Variants in CLDN14 observed in about 807,000 individuals in gnomAD.
CLDN14 encodes claudin-14.
In CLDN14, 2 loss-of-function variants were observed where a neutral mutation model predicts 2.1. That is an observed-to-expected ratio of 0.96 (90% CI 0.39 to 3.01). The LOEUF (loss-of-function observed/expected upper bound fraction) is 3.01, where lower values mean the gene tolerates loss of function less well. CLDN14 is among the 30% of genes most tolerant of loss of function. CLDN14 has a pLI of 0.09. For synonymous variants in CLDN14, 136 were observed against 154.4 expected, an observed-to-expected ratio of 0.88 and a Z score of 0.88; for missense variants, 298 against 328.0, an observed-to-expected ratio of 0.91 and a Z score of 0.71.
At chr21:36,469,453 T>C (rs769510974) in intron 1 of CLDN14, among the ~76,000 whole-genome samples, 17 of 152,362 alleles carry the variant, frequency 1.1e-4, no homozygotes, top group Non-Finnish European at 2.2e-4. Context: ...CTTACGTGAC[T>C]ACGACTTATT....
chr21:36,486,259 C>T, intron 2 of CLDN14: 1 of 818,218 alleles, frequency 1.2e-6, no homozygotes, highest in Non-Finnish European at 2.2e-6. Flanking sequence ...ATAAGCAATC[C>T]CCTCTTCCTT....
chr21:36,535,147 T>C (rs1467965994), intron 1 of CLDN14, among the ~76,000 whole-genome samples: 1 of 152,180 alleles, frequency 6.6e-6, no homozygotes, highest in Non-Finnish European at 1.5e-5. Flanking sequence ...TCCCAGCCCT[T>C]TGGGAGGCTG....
chr21:36,519,997 T>C (rs1601621401), intron 1 of CLDN14, among the ~76,000 whole-genome samples: 1 of 152,180 alleles, frequency 6.6e-6, no homozygotes. Flanking sequence ...TTTGTAGCAA[T>C]AGTAATGTAT....
chr21:36,506,696 G>A (rs913905100), intron 2 of CLDN14, among the ~76,000 whole-genome samples: 1 of 152,168 alleles, frequency 6.6e-6, no homozygotes, highest in Non-Finnish European at 1.5e-5. Context: ...CCTCTGGGGG[G>A]TGGAGCCAAG....
intron 1 of CLDN14, among the ~76,000 whole-genome samples, chr21:36,515,178 T>C (rs9982353): frequency 0.82 from 124,953 of 152,102 alleles, 52,239 homozygotes; most frequent in Middle Eastern, 0.93. Context: ...TACAGAACTA[T>C]TACATGGCCC....
At chr21:36,510,070 A>G (rs1300905503) in intron 2 of CLDN14, among the ~76,000 whole-genome samples, 2 of 152,176 alleles carry the variant, frequency 1.3e-5, no homozygotes, top group Non-Finnish European at 2.9e-5. Flanking sequence ...CCCACGGCCC[A>G]GTTATGTCCA....
intron 1 of CLDN14, among the ~76,000 whole-genome samples, chr21:36,476,991 G>C (rs894405192): frequency 1.8e-4 from 28 of 152,354 alleles, no homozygotes; most frequent in African/African-American, 6.7e-4. Context: ...TACACACAGT[G>C]GCCAGATTGT....
intron 2 of CLDN14, among the ~76,000 whole-genome samples, chr21:36,508,922 G>T (rs2087158220): frequency 6.6e-6 from 1 of 152,178 alleles, no homozygotes; most frequent in African/African-American, 2.4e-5. Flanking sequence ...TTGTTTTGCT[G>T]AGAGGAGGCT....
rs1330591742 is a variant in CLDN14 at position 36,551,401 on chromosome 21, C to T, written c.-220+25010G>A. ...AGACCCAGTCCAAACTTGGCACTAC[C>T]TCCCACTGCCTCCTTTTCTTGCCTC... On this transcript the variant is annotated intron_variant, in intron 1 of 2. Transcript: ENST00000342108. This position sits in a 1 kb window ranked among gnomAD's most constrained non-coding sequence, Gnocchi z 4.8. 6.6e-6 allele frequency among the ~76,000 whole-genome samples: 1 copy of T among 152,198 alleles called. No individual in the cohort carries two copies. Among genetic ancestry groups the T allele is most frequent in the Admixed American group, 6.5e-5 (1 of 15,286 alleles).
intron 1 of CLDN14, among the ~76,000 whole-genome samples, chr21:36,463,716 A>G (rs967530017): frequency 2.0e-5 from 3 of 152,206 alleles, no homozygotes; most frequent in African/African-American, 7.2e-5. Context: ...TGTCTTGAAA[A>G]ATAAATAAAA....
chr21:36,562,077 C>A (rs1231175624), intron 1 of CLDN14, among the ~76,000 whole-genome samples: 1 of 152,176 alleles, frequency 6.6e-6, no homozygotes, highest in African/African-American at 2.4e-5. Context: ...GAAAATGCAG[C>A]AAAGAAGGCT....
chr21:36,518,112 C>T (rs2087242557), intron 1 of CLDN14, among the ~76,000 whole-genome samples: 1 of 143,416 alleles, frequency 7.0e-6, no homozygotes, highest in Admixed American at 6.7e-5. Flanking sequence ...ACACACACGA[C>T]CTGTTGGTTT....
chr21:36,531,446 G>T lies in CLDN14; in HGVS notation c.-219-20946C>A, dbSNP rs184780115. On this transcript the variant is annotated intron_variant, in intron 1 of 2. Transcript: ENST00000342108. ...CCACGCTCAAATTTTTGTATTTTTA[G>T]TACAGACAGGGTTTCACCCTGTTGG... Among the ~76,000 whole-genome samples, 25 of 151,880 alleles carry T rather than the reference G, an allele frequency of 1.6e-4. 1 individual carries two copies. In the East Asian group the frequency reaches 3.9e-3, roughly 24 times the overall value.
chr21:36,561,667 G>A (rs1026768012), intron 1 of CLDN14, among the ~76,000 whole-genome samples: 2 of 152,218 alleles, frequency 1.3e-5, no homozygotes, highest in Non-Finnish European at 2.9e-5. Context: ...AAAGCATGAT[G>A]TGAACCCTCT....
intron 2 of CLDN14, among the ~76,000 whole-genome samples, chr21:36,506,440 T>C (rs2087133518): frequency 6.6e-6 from 1 of 151,918 alleles, no homozygotes; most frequent in South Asian, 2.1e-4. Context: ...GTACTAAAAA[T>C]ACAAAAATTA....
chr21:36,569,246 T>A (rs1027888735), intron 1 of CLDN14, among the ~76,000 whole-genome samples: 2 of 152,120 alleles, frequency 1.3e-5, no homozygotes, highest in African/African-American at 4.8e-5. Flanking sequence ...TGAAACCCCA[T>A]CTCTACTAAA....
At chr21:36,496,381 G>A (rs1473203596) in intron 2 of CLDN14, among the ~76,000 whole-genome samples, 1 of 147,572 alleles carries the variant, frequency 6.8e-6, no homozygotes, top group Non-Finnish European at 1.5e-5. Flanking sequence ...AGGCCGCAGT[G>A]AGCCATGATC....
At chr21:36,527,428 A>G (rs933930327) in intron 1 of CLDN14, among the ~76,000 whole-genome samples, 2 of 152,244 alleles carry the variant, frequency 1.3e-5, no homozygotes, top group African/African-American at 4.8e-5. Context: ...CCTTCCATGC[A>G]TGAACTGAAG....
chr21:36,565,401 G>A (rs1228572663), intron 1 of CLDN14, among the ~76,000 whole-genome samples: 1 of 145,974 alleles, frequency 6.9e-6, no homozygotes, highest in Admixed American at 7.0e-5. Flanking sequence ...GCAGCACTAT[G>A]GTTTCCCTTT....
Sources: allele counts gnomAD v4.1 joint callset (sites outside exome capture counted in the v4.1 genomes callset), GRCh38; gene constraint gnomAD v4.1.1; non-coding constraint Gnocchi (gnomAD v3.1); transcripts MANE v1.5; gene names NCBI Gene and HGNC (gene_info 2026-07-23, HGNC 2026-07-21).